CCDC7: variants seen among roughly 807,000 people sequenced by gnomAD.
CCDC7 encodes the protein coiled-coil domain containing 7, also known as coiled-coil domain-containing protein 7.
Under a neutral mutation model 196.9 loss-of-function variants are expected in CCDC7, and 183 were observed. The ratio of observed to expected loss-of-function variants is 0.93; its 90% CI spans 0.82 to 1.05. The LOEUF is 1.05. Ranked by LOEUF, CCDC7 falls within the 50% of genes least tolerant of loss-of-function variation. The pLI is 0.00. For synonymous variants in CCDC7, 525 were observed against 484.6 expected (o/e 1.08, Z -1.10); for missense variants, 1,540 against 1,482.2 (o/e 1.04, Z -0.64).
chr10:32,571,916 G>A (rs1266104909), intron 16 of CCDC7, 23 bp downstream of exon 17: 1 of 1,564,532 alleles, frequency 6.4e-7, no homozygotes, highest in Non-Finnish European at 8.6e-7. Flanking sequence ...TTAAAAATTT[G>A]TTCCCTCATT....
At chr10:32,573,678 T>A (rs1471501773) in intron 16 of CCDC7, among the ~76,000 whole-genome samples, 3 of 152,160 alleles carry the variant, frequency 2.0e-5, no homozygotes, top group African/African-American at 4.8e-5. Context: ...TACATCAAGA[T>A]TAAAAAAATC....
At position 32,728,272 on chromosome 10, in the gene CCDC7, A is replaced by T. The variant is rs549413793; in HGVS notation, c.2669-615A>T. ...TCTCAGAAGGTTCTACATTTTTTTT[A>T]AAAAAATCCCTTATAATTTAACCAT... On this transcript the variant is annotated intron_variant, in intron 26 of 41. Coordinates refer to ENST00000639629, the Ensembl canonical transcript of CCDC7. Among the ~76,000 whole-genome samples the T allele has an allele frequency of 5.2e-4, 79 of 152,048 alleles. 1 individual carries two copies. The highest frequency in any genetic ancestry group is 8.4e-4 in the African/African-American group (35 of 41,470).
At chr10:32,463,109 T>A (rs945080744) in intron 5 of CCDC7, 60 bp downstream of exon 6, 1 of 1,591,784 alleles carries the variant, frequency 6.3e-7, no homozygotes. Flanking sequence ...GAAAAGCAAT[T>A]TGGATTATGT....
rs138330534 is a variant in CCDC7 at position 32,544,115 on chromosome 10, T to A, written c.1080-132T>A. 53 of 653,560 alleles carry A rather than the reference T, an allele frequency of 8.1e-5. No individual in the cohort carries two copies. The East Asian group carries it at 1.6e-3, about 20-fold the overall frequency. 40.5% of individuals were successfully genotyped at this position (653,560 alleles called of 1,614,324 possible). ...TAATTTAGCCTGTATGAATTTTATG[T>A]CTCTTAGAAATATGAATTTTTTTAA... is the stretch of plus-strand genomic sequence containing the variant. On this transcript the variant is annotated intron_variant, in intron 12 of 41. Transcript: ENST00000639629.
chr10:32,529,053 G>A (rs1002865387), intron 11 of CCDC7, among the ~76,000 whole-genome samples: 7 of 151,700 alleles, frequency 4.6e-5, no homozygotes, highest in Non-Finnish European at 8.8e-5. Flanking sequence ...ATGGAGTCTT[G>A]CCCTGTCACC....
intron 9 of CCDC7, among the ~76,000 whole-genome samples, chr10:32,505,069 T>G (rs1485168146): frequency 6.6e-6 from 1 of 152,268 alleles, no homozygotes; most frequent in Non-Finnish European, 1.5e-5. Flanking sequence ...ATAGTTGCTG[T>G]ATGTATTCAG....
At chr10:32,836,209 C>T (rs975974269) in intron 33 of CCDC7, among the ~76,000 whole-genome samples, 3 of 152,056 alleles carry the variant, frequency 2.0e-5, no homozygotes, top group African/African-American at 7.2e-5. Flanking sequence ...CCTGAAACCA[C>T]TGTCATTCAA....
intron 18 of CCDC7, among the ~76,000 whole-genome samples, chr10:32,630,430 T>C (rs1482144573): frequency 6.6e-6 from 1 of 152,048 alleles, no homozygotes; most frequent in African/African-American, 2.4e-5. Context: ...CCTTCCTTAA[T>C]ATAAGGTGCT....
intron 28 of CCDC7, among the ~76,000 whole-genome samples, chr10:32,744,882 A>G (rs983903639): frequency 6.6e-6 from 1 of 152,192 alleles, no homozygotes; most frequent in East Asian, 1.9e-4. Flanking sequence ...TTGTCTATAA[A>G]GTCATCTCCA....
At chr10:32,592,132 AT>A (rs1176311771) in intron 18 of CCDC7, among the ~76,000 whole-genome samples, 4 of 151,956 alleles carry the variant, frequency 2.6e-5, no homozygotes, top group Non-Finnish European at 5.9e-5. Flanking sequence ...TGGTAATCCA[AT>A]TTTTGTTTTA....
At chr10:32,756,817 A>G (rs928685179) in intron 28 of CCDC7, among the ~76,000 whole-genome samples, 4 of 152,178 alleles carry the variant, frequency 2.6e-5, no homozygotes, top group African/African-American at 9.6e-5. Flanking sequence ...CAAATTGGAT[A>G]GAGTCAAGAT....
chr10:32,537,134 C>A (rs891690509), intron 11 of CCDC7, among the ~76,000 whole-genome samples: 1 of 152,148 alleles, frequency 6.6e-6, no homozygotes, highest in African/African-American at 2.4e-5. Context: ...CATAAGTCTT[C>A]CCTTTTCTCC....
At chr10:32,519,966 G>A (rs181796254) in intron 11 of CCDC7, among the ~76,000 whole-genome samples, 19 of 152,178 alleles carry the variant, frequency 1.2e-4, no homozygotes, top group Admixed American at 1.2e-3. Flanking sequence ...GTGAAAACAT[G>A]CAATGTTTGT....
At chr10:32,864,871 G>A (rs79254214) in intron 41 of CCDC7, among the ~76,000 whole-genome samples, 4,250 of 151,948 alleles carry the variant, frequency 0.028, 214 homozygotes, top group African/African-American at 0.097. Flanking sequence ...TGCACTTGCA[G>A]TAACGGCAGA....
chr10:32,684,985 C>G (rs1591573300), intron 21 of CCDC7, among the ~76,000 whole-genome samples: 2 of 151,110 alleles, frequency 1.3e-5, no homozygotes, highest in East Asian at 3.9e-4. Context: ...ATATACGAAA[C>G]CTGAAACTGA....
rs201718682 is a variant in CCDC7 at position 32,507,555 on chromosome 10, A to G, written c.873-10390A>G. On this transcript the variant is annotated intron_variant, in intron 9 of 41. Transcript: ENST00000639629. Reference sequence around the variant, plus strand: ...AGCCTCTGCCTCCTGGGTTCAAGCAATTCTCCTGCCTTAGCCTCCTGAGTA... The same window carrying G: ...AGCCTCTGCCTCCTGGGTTCAAGCAGTTCTCCTGCCTTAGCCTCCTGAGTA... Among the ~76,000 whole-genome samples the G allele has an allele frequency of 2.2e-4, 34 of 152,164 alleles. 1 individual carries two copies. The East Asian group carries it at 6.4e-3, about 29-fold the overall frequency.
intron 41 of CCDC7, among the ~76,000 whole-genome samples, chr10:32,868,379 ATC>A (rs1172608117): frequency 6.6e-6 from 1 of 151,878 alleles, no homozygotes; most frequent in African/African-American, 2.4e-5. Flanking sequence ...GTATCTACTC[ATC>A]TGTTTCTTTA....
intron 9 of CCDC7, among the ~76,000 whole-genome samples, chr10:32,495,944 C>T (rs1310188132): frequency 6.6e-6 from 1 of 152,008 alleles, no homozygotes; most frequent in East Asian, 1.9e-4. Flanking sequence ...TCAATAGTAG[C>T]TTGATGGGGA....
intron 29 of CCDC7, among the ~76,000 whole-genome samples, chr10:32,797,591 A>G (rs1379480729): frequency 6.6e-6 from 1 of 151,522 alleles, no homozygotes; most frequent in African/African-American, 2.4e-5. Flanking sequence ...TGGGCGCACC[A>G]AAATCTCACA....
Sources: allele counts gnomAD v4.1 joint callset (sites outside exome capture counted in the v4.1 genomes callset), GRCh38; gene constraint gnomAD v4.1.1; transcripts MANE v1.5; gene names NCBI Gene and HGNC (gene_info 2026-07-23, HGNC 2026-07-21).